The following KIAA1217 variants were observed in gnomAD, a reference collection of about 807,000 sequenced individuals.
The protein encoded by KIAA1217 is KIAA1217.
KIAA1217 carries 88 observed loss-of-function variants against 163.9 expected under a neutral mutation model. The ratio of observed to expected loss-of-function variants is 0.54; its 90% CI spans 0.45 to 0.64. The LOEUF (loss-of-function observed/expected upper bound fraction) is 0.64, where lower values mean the gene tolerates loss of function less well. KIAA1217 is among the 30% of genes least tolerant of loss of function. The pLI, the probability that KIAA1217 is intolerant of heterozygous loss-of-function variation, is 0.00. For synonymous variants in KIAA1217, 903 were observed against 923.1 expected (o/e 0.98, Z 0.39); for missense variants, 2,372 against 2,475.0 (o/e 0.96, Z 0.88).
At chr10:23,850,395 T>G (rs1839251836) in intron 1 of KIAA1217, among the ~76,000 whole-genome samples, 1 of 152,082 alleles carries the variant, frequency 6.6e-6, no homozygotes, top group Non-Finnish European at 1.5e-5. Flanking sequence ...CAACACTATT[T>G]TAATGAGAAT....
intron 3 of KIAA1217, among the ~76,000 whole-genome samples, chr10:24,418,107 TA>T (rs554280387): frequency 6.1e-5 from 9 of 147,360 alleles, no homozygotes; most frequent in South Asian, 2.1e-4. Context: ...CCACCACCAA[TA>T]AAAAAAAAAT....
chr10:23,869,124 G>GTTTTTTTTT lies in KIAA1217; in HGVS notation c.-320-138079_-320-138071dup. On this transcript the variant is annotated intron_variant, in intron 1 of 18. Coordinates refer to the KIAA1217 transcript ENST00000376462. ...GTGTAACGTGCAATCATGAAATGTA[G>GTTTTTTTTT]TTTTTTTTTTTTTTTTTTTTTTTTT... Among the ~76,000 whole-genome samples, 74 of 31,724 alleles carry GTTTTTTTTT rather than the reference G, an allele frequency of 2.3e-3. 14 individuals are homozygous for GTTTTTTTTT. Among genetic ancestry groups the GTTTTTTTTT allele is most frequent in the African/African-American group, 6.3e-3 (52 of 8,288 alleles). 20.8% of individuals were successfully genotyped at this position (31,724 alleles called of 152,430 possible).
chr10:23,811,232 G>T (rs962977063), intron 1 of KIAA1217, among the ~76,000 whole-genome samples: 1 of 141,770 alleles, frequency 7.1e-6, no homozygotes. Flanking sequence ...AGTATAGCGT[G>T]TATATATATT....
intron 2 of KIAA1217, among the ~76,000 whole-genome samples, chr10:24,145,808 G>A (rs1178364851): frequency 3.3e-5 from 5 of 152,230 alleles, no homozygotes; most frequent in Non-Finnish European, 1.5e-5. Flanking sequence ...AGGAAGCATT[G>A]AGCATGGAAG....
chr10:24,231,485 C>T (rs2071404548), intron 2 of KIAA1217, among the ~76,000 whole-genome samples: 1 of 151,842 alleles, frequency 6.6e-6, no homozygotes, highest in Admixed American at 6.6e-5. Context: ...ATTGTATGTG[C>T]GAGTGTATAT....
At chr10:24,259,641 GA>G (rs889157890) in intron 2 of KIAA1217, among the ~76,000 whole-genome samples, 1 of 152,208 alleles carries the variant, frequency 6.6e-6, no homozygotes, top group Non-Finnish European at 1.5e-5. Context: ...ACTTGACGGT[GA>G]AAGCGAGTCC....
intron 1 of KIAA1217, among the ~76,000 whole-genome samples, chr10:23,842,230 C>T (rs950776567): frequency 1.3e-5 from 2 of 152,128 alleles, no homozygotes; most frequent in Non-Finnish European, 2.9e-5. Context: ...GACCAGTTTT[C>T]TGTTTTCCAA....
rs565655311 is a variant in KIAA1217, at chr10:24,455,263, C to T, written c.846+16784C>T. ...TTTAATTTTGGCACAGAATTTTTAT[C>T]GACAGATATGTACTCATATACATAG... is the stretch of plus-strand genomic sequence containing the variant. On this transcript the variant is annotated intron_variant, in intron 5 of 20. Transcript: ENST00000376454. Among the ~76,000 whole-genome samples the T allele has an allele frequency of 2.6e-5, 4 of 152,036 alleles. No homozygotes were observed. The East Asian group carries it at 5.8e-4, about 22-fold the overall frequency.
At chr10:24,446,975 G>A (rs76157254) in intron 5 of KIAA1217, among the ~76,000 whole-genome samples, 5 of 151,942 alleles carry the variant, frequency 3.3e-5, no homozygotes, top group East Asian at 3.9e-4. Flanking sequence ...TCAGTGTGTC[G>A]ATGAGTCATC....
rs142487146 is a variant in KIAA1217 at position 24,253,088 on chromosome 10, G to A, written c.354+33179G>A. 2.5e-4 allele frequency among the ~76,000 whole-genome samples: 38 copies of A among 152,238 alleles called. No individual in the cohort carries two copies. In the East Asian group the frequency reaches 6.4e-3, roughly 26 times the overall value. ...GTGAGCAAGAGTTTTTTGGGAAGAG[G>A]TGCACACAGCAAGTGCTGAGACCCA... On this transcript the variant is annotated intron_variant, in intron 2 of 20. Coordinates refer to ENST00000376454, the MANE Select transcript of KIAA1217 (RefSeq NM_019590.5).
chr10:24,119,897 C>T (rs2063212464), intron 2 of KIAA1217, among the ~76,000 whole-genome samples: 1 of 152,208 alleles, frequency 6.6e-6, no homozygotes, highest in Non-Finnish European at 1.5e-5. Flanking sequence ...CCCTAAGTCA[C>T]AAAAGCCATC....
At chr10:24,419,177 AAAAAAAAAAAAAAG>A (rs1295498588) in intron 3 of KIAA1217, among the ~76,000 whole-genome samples, 1 of 150,896 alleles carries the variant, frequency 6.6e-6, no homozygotes, top group Non-Finnish European at 1.5e-5. Flanking sequence ...GTCTCCAAAA[AAAAAAAAAAAAAAG>A]AAAGAAAATC....
At chr10:24,207,670 G>A (rs560982606), upstream of KIAA1217, among the ~76,000 whole-genome samples, 3 of 152,252 alleles carry the variant, frequency 2.0e-5, no homozygotes, top group African/African-American at 7.2e-5. Context: ...GATTCACCGC[G>A]TCTTCTTGGA....
chr10:24,494,839 G>A (rs2066580934), intron 7 of KIAA1217: 4 of 563,152 alleles, frequency 7.1e-6, no homozygotes, highest in Non-Finnish European at 1.2e-5. Context: ...GAAGGTAAAT[G>A]GGCTTCCCAG....
intron 1 of KIAA1217, among the ~76,000 whole-genome samples, chr10:23,740,218 A>G (rs1839031807): frequency 6.6e-6 from 1 of 152,194 alleles, no homozygotes; most frequent in Non-Finnish European, 1.5e-5. Context: ...GGGAGTGCTG[A>G]TAGAGAAATA....
intron 1 of KIAA1217, among the ~76,000 whole-genome samples, chr10:23,896,365 C>T (rs1444541474): frequency 2.0e-5 from 3 of 152,032 alleles, no homozygotes; most frequent in Non-Finnish European, 2.9e-5. Context: ...ACGCATCACA[C>T]GCTGTCGAGA....
intron 12 of KIAA1217, among the ~76,000 whole-genome samples, chr10:24,522,279 G>A (rs2134624448): frequency 6.6e-6 from 1 of 152,096 alleles, no homozygotes; most frequent in Non-Finnish European, 1.5e-5. Flanking sequence ...AGCTATGACT[G>A]AGCCACTGCA....
At chr10:24,520,641 A>AT (rs1554926651) in intron 11 of KIAA1217, among the ~76,000 whole-genome samples, 5 of 87,022 alleles carry the variant, frequency 5.7e-5, no homozygotes, top group Non-Finnish European at 7.9e-5. Context: ...AAAAAAAAAA[A>AT]AAAAAAAAAA....
chr10:24,001,496 A>G (rs191777226), intron 1 of KIAA1217, among the ~76,000 whole-genome samples: 1 of 152,350 alleles, frequency 6.6e-6, no homozygotes, highest in Admixed American at 6.5e-5. Flanking sequence ...CTTAGCATTT[A>G]TTGAGCCTTT....
Sources: gnomAD v4.1 joint callset for allele counts (sites outside exome capture counted in the v4.1 genomes callset) on GRCh38, gnomAD v4.1.1 for gene constraint, MANE v1.5 for transcripts, NCBI Gene and HGNC (gene_info 2026-07-23, HGNC 2026-07-21) for gene names.